Variants in CCBE1 observed in about 807,000 individuals in gnomAD.
The protein encoded by CCBE1 is collagen and calcium binding EGF domains 1.
Under a neutral mutation model 50.0 loss-of-function variants are expected in CCBE1, and 37 were observed. The observed-to-expected ratio is 0.74, with a 90% CI of 0.57 to 0.97. The LOEUF (loss-of-function observed/expected upper bound fraction) is 0.97, where lower values mean the gene tolerates loss of function less well. Ranked by LOEUF, CCBE1 falls within the 50% of genes least tolerant of loss-of-function variation. The pLI, the probability that CCBE1 is intolerant of heterozygous loss-of-function variation, is 0.00. For missense variants in CCBE1, 538 were observed against 523.8 expected, an observed-to-expected ratio of 1.03 and a Z score of -0.26; for synonymous variants, 234 against 203.7, an observed-to-expected ratio of 1.15 and a Z score of -1.27.
intron 3 of CCBE1, among the ~76,000 whole-genome samples, chr18:59,470,789 C>T (rs1911995433): frequency 6.6e-6 from 1 of 152,146 alleles, no homozygotes; most frequent in Non-Finnish European, 1.5e-5. Context: ...ATAAACTATA[C>T]TTGGACACAG....
chr18:59,461,521 G>A (rs4629079), intron 5 of CCBE1, among the ~76,000 whole-genome samples: 61,126 of 151,820 alleles, frequency 0.4, 13,723 homozygotes, highest in East Asian at 0.74. Flanking sequence ...TTGTTTTACT[G>A]AAATATAAAA....
intron 2 of CCBE1, among the ~76,000 whole-genome samples, chr18:59,674,614 A>G (rs564050591): frequency 3.7e-4 from 56 of 152,356 alleles, no homozygotes; most frequent in African/African-American, 1.0e-3. Context: ...AACTTAAAGT[A>G]TAATTTTAAA....
At chr18:59,642,952 A>C (rs2054010085) in intron 2 of CCBE1, among the ~76,000 whole-genome samples, 1 of 144,746 alleles carries the variant, frequency 6.9e-6, no homozygotes, top group Non-Finnish European at 1.5e-5. Context: ...CCACCTCAAA[A>C]AAAAAAAAAA....
intron 5 of CCBE1, among the ~76,000 whole-genome samples, chr18:59,465,266 T>C (rs1911686320): frequency 6.6e-6 from 1 of 152,158 alleles, no homozygotes; most frequent in African/African-American, 2.4e-5. Flanking sequence ...ATGCATATGG[T>C]GGTATTTTGA....
At chr18:59,660,402 A>G (rs1383180503) in intron 2 of CCBE1, among the ~76,000 whole-genome samples, 1 of 152,152 alleles carries the variant, frequency 6.6e-6, no homozygotes, top group Non-Finnish European at 1.5e-5. Flanking sequence ...TTGCTTAGCA[A>G]GGCAAAAGAG....
chr18:59,527,831 T>G (rs1203938212), intron 2 of CCBE1, among the ~76,000 whole-genome samples: 1 of 152,168 alleles, frequency 6.6e-6, no homozygotes, highest in Non-Finnish European at 1.5e-5. Context: ...GCTTGTAGGG[T>G]TTCTGCTGAG....
At chr18:59,587,022 T>C (rs1036423010) in intron 2 of CCBE1, among the ~76,000 whole-genome samples, 11 of 152,178 alleles carry the variant, frequency 7.2e-5, no homozygotes, top group African/African-American at 2.7e-4. Flanking sequence ...ATCTTTAAGT[T>C]ATAAAAGAAT....
chr18:59,663,337 G>T (rs2054310877), intron 2 of CCBE1, among the ~76,000 whole-genome samples: 1 of 152,164 alleles, frequency 6.6e-6, no homozygotes, highest in Non-Finnish European at 1.5e-5. Flanking sequence ...GGAATAGCTG[G>T]AAGGACATTC....
chr18:59,618,065 T>A (rs2053660250), intron 2 of CCBE1, among the ~76,000 whole-genome samples: 1 of 152,224 alleles, frequency 6.6e-6, no homozygotes, highest in African/African-American at 2.4e-5. Flanking sequence ...AATTTTGAAC[T>A]ATACTTGATT....
At chr18:59,440,416 C>CTAAA (rs747498007) in intron 7 of CCBE1, among the ~76,000 whole-genome samples, 22 of 152,310 alleles carry the variant, frequency 1.4e-4, no homozygotes, top group Non-Finnish European at 2.9e-4. Context: ...ATAGTAAGTA[C>CTAAA]TAAAACATCT....
intron 2 of CCBE1, among the ~76,000 whole-genome samples, chr18:59,512,787 C>T (rs1333796249): frequency 6.6e-6 from 1 of 152,126 alleles, no homozygotes; most frequent in Non-Finnish European, 1.5e-5. Flanking sequence ...GGGAACAAAT[C>T]CCGGGTAAGA....
At chr18:59,613,886 T>TTTTTTTTTTTTTTTG (rs1491113640) in intron 2 of CCBE1, among the ~76,000 whole-genome samples, 1 of 135,796 alleles carries the variant, frequency 7.4e-6, no homozygotes, top group African/African-American at 3.2e-5. Flanking sequence ...TTTTTTTTTT[T>TTTTTTTTTTTTTTTG]GGCAGGGGGA....
At chr18:59,473,545 C>A (rs1278773840) in intron 3 of CCBE1, among the ~76,000 whole-genome samples, 2 of 150,072 alleles carry the variant, frequency 1.3e-5, no homozygotes, top group African/African-American at 4.9e-5. Context: ...GATGTTGCAT[C>A]CCCTGGACTT....
rs370469025 is a variant in CCBE1 at position 59,495,091 on chromosome 18, G to A, written c.213-14853C>T. 3.0e-4 allele frequency among the ~76,000 whole-genome samples: 45 copies of A among 151,594 alleles called. No homozygotes were observed. The East Asian group carries it at 7.6e-3, about 26-fold the overall frequency. ...GGGAGGCGAAGGTTGCAGTGAGCCCGAGATCACACCACTGCACTCCAGCCT... is the reference window on the plus strand; with the variant it reads ...GGGAGGCGAAGGTTGCAGTGAGCCCAAGATCACACCACTGCACTCCAGCCT... On this transcript the variant is annotated intron_variant, in intron 2 of 10. Transcript: ENST00000439986.
chr18:59,607,912 C>T (rs189732927), intron 2 of CCBE1, among the ~76,000 whole-genome samples: 2 of 152,262 alleles, frequency 1.3e-5, no homozygotes, highest in East Asian at 3.9e-4. Flanking sequence ...GGTGAAACCC[C>T]GTCTCTACTA....
At chr18:59,515,053 T>C (rs915206914) in intron 2 of CCBE1, among the ~76,000 whole-genome samples, 13 of 152,132 alleles carry the variant, frequency 8.5e-5, no homozygotes, top group South Asian at 2.1e-4. Context: ...AAAGATGATA[T>C]AAGGATATGT....
chr18:59,685,832 C>A (rs1360134326), intron 2 of CCBE1: 2 of 152,216 alleles, frequency 1.3e-5, no homozygotes, highest in African/African-American at 4.8e-5. Context: ...GACCGTGCTT[C>A]TCAACACTTG....
At chr18:59,596,673 T>A (rs1031328521) in intron 2 of CCBE1, among the ~76,000 whole-genome samples, 1 of 152,184 alleles carries the variant, frequency 6.6e-6, no homozygotes, top group Non-Finnish European at 1.5e-5. Flanking sequence ...TCCACGTCTC[T>A]CGTTTTACAC....
At chr18:59,579,946 A>C (rs1359267887) in intron 2 of CCBE1, among the ~76,000 whole-genome samples, 1 of 152,220 alleles carries the variant, frequency 6.6e-6, no homozygotes, top group Non-Finnish European at 1.5e-5. Flanking sequence ...AACAGCATTA[A>C]GAATAAATCA....
Sources: allele counts gnomAD v4.1 joint callset (sites outside exome capture counted in the v4.1 genomes callset), GRCh38; gene constraint gnomAD v4.1.1; transcripts MANE v1.5; gene names NCBI Gene and HGNC (gene_info 2026-07-23, HGNC 2026-07-21).